The following OSBPL5 variants were observed in gnomAD, a reference collection of about 807,000 sequenced individuals.
OSBPL5 encodes oxysterol binding protein like 5.
A neutral mutation model predicts 111.2 loss-of-function variants in OSBPL5; 71 were observed. The ratio of observed to expected loss-of-function variants is 0.64; its 90% CI spans 0.53 to 0.78. The LOEUF (loss-of-function observed/expected upper bound fraction) is 0.78, where lower values mean the gene tolerates loss of function less well. Among genes scored for constraint, OSBPL5 ranks in the 30% least tolerant of loss-of-function variants. The pLI is 0.00. For missense variants in OSBPL5, 1,210 were observed against 1,189.3 expected (o/e 1.02, Z -0.26); for synonymous variants, 549 against 513.9 (o/e 1.07, Z -0.93).
At chr11:3,093,398 G>A in intron 17 of OSBPL5, 129 bp downstream of exon 17, 1 of 1,381,572 alleles carries the variant, frequency 7.2e-7, no homozygotes, top group South Asian at 1.4e-5. Context: ...CACCAGGGGT[G>A]CACCAGGCCT....
Position 3,122,384 on chromosome 11 carries a change from G to A in OSBPL5, c.264C>T (p.Ser88=), listed in dbSNP as rs773011971. Residue 88 remains serine (S), a synonymous_variant, in exon 4 of 22, where the codon TCC becomes TCT. Coordinates refer to ENST00000263650, the MANE Select transcript of OSBPL5 (RefSeq NM_020896.4). ...CCTTCTTGGTGACCCTGGCGGTGGG[G>A]GACACACATTCCTTGTCTGACCCGT... ...LCNGSDKECV[S]PTARVTKKET... is the part of the protein sequence containing the mutation. 6.2e-7 allele frequency: 1 copy of A among 1,613,922 alleles called. No individual in the cohort carries two copies. The highest frequency in any genetic ancestry group is 2.2e-5 in the East Asian group (1 of 44,878).
chr11:3,112,293 T>A (rs548070658), intron 7 of OSBPL5, among the ~76,000 whole-genome samples: 21 of 152,320 alleles, frequency 1.4e-4, no homozygotes, highest in South Asian at 8.3e-4. Flanking sequence ...TTCTGCCGCA[T>A]GGGGGACCTA....
rs543600863 is a variant in OSBPL5 at position 3,130,789 on chromosome 11, G to A, written c.-21-1620C>T. 8.6e-4 allele frequency among the ~76,000 whole-genome samples: 131 copies of A among 152,328 alleles called. No homozygotes were observed. The highest frequency in any genetic ancestry group is 2.7e-3 in the African/African-American group (112 of 41,574). ...CTCAGCTTGGCTCAGCCAACCTGCC[G>A]CAGGGAAGCAGGCAGATGGGAAGTC... On this transcript the variant is annotated intron_variant, in intron 1 of 21. Coordinates refer to ENST00000263650, the MANE Select transcript of OSBPL5 (RefSeq NM_020896.4). The surrounding 1 kb of genome is among the most constrained non-coding windows in gnomAD (Gnocchi z 4.5).
At chr11:3,127,401 G>A (rs1019786209) in intron 2 of OSBPL5, among the ~76,000 whole-genome samples, 5 of 152,366 alleles carry the variant, frequency 3.3e-5, no homozygotes, top group Admixed American at 1.3e-4. Context: ...GTCTATAGCC[G>A]TCCTTCCCTG....
intron 1 of OSBPL5, among the ~76,000 whole-genome samples, chr11:3,150,854 G>A (rs2134541175): frequency 6.6e-6 from 1 of 152,298 alleles, no homozygotes; most frequent in East Asian, 1.9e-4. Context: ...GCCCCAGAAT[G>A]CCACCCCTGG....
rs993181729 is a variant in OSBPL5 at position 3,142,066 on chromosome 11, C to T, written c.-21-12897G>A. ...TTGCTGGGACTACAGGCACCTGCCA[C>T]GATGACCGGCTAAAATTTTTTTGTA... On this transcript the variant is annotated intron_variant, in intron 1 of 21. Coordinates refer to ENST00000263650, the MANE Select transcript of OSBPL5 (RefSeq NM_020896.4). This position sits in a 1 kb window ranked among gnomAD's most constrained non-coding sequence, Gnocchi z 7.1. Among the ~76,000 whole-genome samples, 7 of 152,184 alleles carry T rather than the reference C, an allele frequency of 4.6e-5. No homozygotes were observed. Among genetic ancestry groups the T allele is most frequent in the South Asian group, 2.1e-4 (1 of 4,828 alleles).
At chr11:3,103,680 CT>C (rs1564829341) in intron 10 of OSBPL5, among the ~76,000 whole-genome samples, 117 of 148,998 alleles carry the variant, frequency 7.9e-4, no homozygotes, top group Admixed American at 2.1e-3. Context: ...CCCTTCCAGT[CT>C]CTGCAGCCCC....
chr11:3,157,662 C>CA (rs1290474910), intron 1 of OSBPL5, among the ~76,000 whole-genome samples: 1 of 152,234 alleles, frequency 6.6e-6, no homozygotes, highest in Non-Finnish European at 1.5e-5. Flanking sequence ...GCCCATGGAG[C>CA]AGAGATGAAG....
chr11:3,117,089 T>C (rs1858239064), intron 7 of OSBPL5, among the ~76,000 whole-genome samples: 2 of 152,242 alleles, frequency 1.3e-5, no homozygotes, highest in South Asian at 4.1e-4. Flanking sequence ...ATACAGTTAT[T>C]TGCATAAGTG....
chr11:3,103,665 T>C (rs1407471348), intron 10 of OSBPL5, among the ~76,000 whole-genome samples: 251 of 134,124 alleles, frequency 1.9e-3, no homozygotes, highest in African/African-American at 7.0e-3. Flanking sequence ...CCTGCCTCTG[T>C]TGCCCCCTTC....
chr11:3,157,072 C>A (rs1208348523), intron 1 of OSBPL5, among the ~76,000 whole-genome samples: 1 of 152,280 alleles, frequency 6.6e-6, no homozygotes, highest in Non-Finnish European at 1.5e-5. Flanking sequence ...GTGAAGGATG[C>A]CTTTGCAGGG....
chr11:3,108,049 C>T (rs1857775530), intron 7 of OSBPL5, 104 bp from the exon 8 acceptor site: 1 of 1,433,124 alleles, frequency 7.0e-7, no homozygotes, highest in African/African-American at 1.4e-5. Flanking sequence ...TCTTCAGGGA[C>T]CCACCCCCTC....
intron 14 of OSBPL5, among the ~76,000 whole-genome samples, chr11:3,096,023 C>A (rs1476365180): frequency 1.3e-5 from 2 of 152,072 alleles, no homozygotes; most frequent in African/African-American, 4.8e-5. Flanking sequence ...TATAGGAAAT[C>A]CCCAGGGCAG....
intron 17 of OSBPL5, 107 bp downstream of exon 17, chr11:3,093,420 C>T (rs1402676405): frequency 4.7e-6 from 7 of 1,499,536 alleles, no homozygotes; most frequent in East Asian, 2.3e-5. Flanking sequence ...CCCTCCCTGC[C>T]AGGGACATCC....
At position 3,113,256 on chromosome 11, in the gene OSBPL5, T is replaced by C. The variant is rs979844951; in HGVS notation, c.692-5311A>G. ...TCTTAAGAATTGCCAGCATATATTT[T>C]TGTTTGCATTTATTAATCAAGCAAT... On this transcript the variant is annotated intron_variant, in intron 7 of 21. Transcript: ENST00000263650. This position sits in a 1 kb window ranked among gnomAD's most constrained non-coding sequence, Gnocchi z 4.8. Among the ~76,000 whole-genome samples, 10 of 152,254 alleles carry C rather than the reference T, an allele frequency of 6.6e-5. No homozygotes were observed. The highest frequency in any genetic ancestry group is 2.4e-4 in the African/African-American group (10 of 41,478).
chr11:3,100,624 C>T (rs1208645617), intron 13 of OSBPL5, among the ~76,000 whole-genome samples: 1 of 152,134 alleles, frequency 6.6e-6, no homozygotes, highest in African/African-American at 2.4e-5. Context: ...CCACGAGTCG[C>T]AGGTACTGCT....
At chr11:3,124,811 A>AATGGATGGATGGATGGATGGATGGATGG (rs71035488) in intron 3 of OSBPL5, among the ~76,000 whole-genome samples, 3 of 150,666 alleles carry the variant, frequency 2.0e-5, no homozygotes, top group Non-Finnish European at 4.4e-5. Flanking sequence ...TGAATGGATG[A>AATGGATGGATGGATGGATGGATGGATGG]ATGGATGGAT....
rs996287200 is a variant in OSBPL5 at position 3,104,264 on chromosome 11, C to T, written c.1173G>A (p.Thr391=). 9.3e-6 allele frequency: 15 copies of T among 1,613,652 alleles called. No individual in the cohort carries two copies. The highest frequency in any genetic ancestry group is 5.3e-5 in the African/African-American group (4 of 74,934). ...GGAAGGAGCGCGGCTCCAGTACGAA[C>T]GTGGGTAGCACCACGCGGGACAGGT... ...GMDLSRVVLP[T]FVLEPRSFLN... is the part of the protein sequence containing the mutation. The change falls in exon 10 of 22, where the codon ACG becomes ACA. Residue 391 remains threonine (T), a synonymous_variant. Transcript: ENST00000263650. This position sits in a 1 kb window ranked among gnomAD's most constrained non-coding sequence, Gnocchi z 5.0.
intron 1 of OSBPL5, among the ~76,000 whole-genome samples, chr11:3,139,582 T>C (rs1445004389): frequency 6.6e-6 from 1 of 152,144 alleles, no homozygotes; most frequent in East Asian, 1.9e-4. Flanking sequence ...CCGCAGGAGT[T>C]TGGGGGCAGG....
Sources: allele counts gnomAD v4.1 joint callset (sites outside exome capture counted in the v4.1 genomes callset), GRCh38; gene constraint gnomAD v4.1.1; non-coding constraint Gnocchi (gnomAD v3.1); transcripts MANE v1.5; gene names NCBI Gene and HGNC (gene_info 2026-07-23, HGNC 2026-07-21).